FRAS1: variants seen among roughly 807,000 people sequenced by gnomAD.
FRAS1 encodes extracellular matrix organizing protein FRAS1.
Under a neutral mutation model 435.2 loss-of-function variants are expected in FRAS1, and 290 were observed. The observed-to-expected ratio is 0.67, with a 90% CI of 0.61 to 0.73. The LOEUF is 0.73. Among genes scored for constraint, FRAS1 ranks in the 30% least tolerant of loss-of-function variants. The pLI, the probability that FRAS1 is intolerant of heterozygous loss-of-function variation, is 0.00. For missense variants in FRAS1, 4,860 were observed against 5,001.5 expected (o/e 0.97, Z 0.85); for synonymous variants, 1,800 against 1,851.0 (o/e 0.97, Z 0.71).
rs1376352603 is a variant in FRAS1 at position 78,470,751 on chromosome 4, T to C, written c.7371+660T>C. On this transcript the variant is annotated intron_variant, in intron 51 of 73. Coordinates refer to ENST00000512123, the MANE Select transcript of FRAS1 (RefSeq NM_025074.7). ...TATAAAGGACTTGAGCATCCATGGATTTTGTAATCCTCAGAGAAGCCTAGA... is the reference window on the plus strand; with the variant it reads ...TATAAAGGACTTGAGCATCCATGGACTTTGTAATCCTCAGAGAAGCCTAGA... 2.0e-5 allele frequency among the ~76,000 whole-genome samples: 3 copies of C among 152,164 alleles called. No homozygotes were observed. In the South Asian group the frequency reaches 6.2e-4, roughly 32 times the overall value.
Position 78,464,565 on chromosome 4 carries a change from G to A in FRAS1, c.7011G>A (p.Ala2337=), listed in dbSNP as rs6851427. 0.36 allele frequency: 586,450 copies of A among 1,613,104 alleles called. 109,444 individuals carry two copies. The highest frequency in any genetic ancestry group is 0.45 in the Admixed American group (26,922 of 59,938). Residue 2337 remains alanine (A), a synonymous_variant, in exon 49 of 74, where the codon GCG becomes GCA. Transcript: ENST00000512123. ...CCATCACAGAGTTTGAGCTTAAGGCGGTGGATGCTGACACAGAGGTAAGAG... is the reference window on the plus strand; with the variant it reads ...CCATCACAGAGTTTGAGCTTAAGGCAGTGGATGCTGACACAGAGGTAAGAG... The part of the protein sequence containing the change: ...RKTITEFELK[A]VDADTEAESV...
At position 78,451,740 on chromosome 4, in the gene FRAS1, T is replaced by C. The variant is rs754872486; in HGVS notation, c.6464-32T>C. The C allele has an allele frequency of 3.9e-6, 6 of 1,551,920 alleles. No individual in the cohort carries two copies. In the East Asian group the frequency reaches 6.8e-5, roughly 18 times the overall value. On this transcript the variant is annotated intron_variant, in intron 45 of 73. Coordinates refer to ENST00000512123, the MANE Select transcript of FRAS1 (RefSeq NM_025074.7). ...CAGAAATAAGGGCAGAAAGCACTAATAGCAAATCTTGATTTTTTTTCCTTT... is the reference window on the plus strand; with the variant it reads ...CAGAAATAAGGGCAGAAAGCACTAACAGCAAATCTTGATTTTTTTTCCTTT...
intron 2 of FRAS1, among the ~76,000 whole-genome samples, chr4:78,195,025 G>C (rs1237996980): frequency 6.6e-6 from 1 of 152,170 alleles, no homozygotes; most frequent in African/African-American, 2.4e-5. Context: ...GTTGGAGTTT[G>C]CTGGAGGTCC....
At position 78,400,873 on chromosome 4, in the gene FRAS1, A is replaced by T; in HGVS notation, c.4115A>T (p.Asp1372Val). Residue 1372 changes from aspartate to valine, a missense_variant, in exon 30 of 74, where the codon GAC becomes GTC. Transcript: ENST00000512123. ...GAAATCATCTACAAGATTACACAAG[A>T]CTACCCCCAGTTTGGTAACTATTTT... is the stretch of plus-strand genomic sequence containing the variant. ...AEEIIYKITQDYPQFGEVVLL... is the reference protein window; with the variant it reads ...AEEIIYKITQVYPQFGEVVLL... 6.2e-7 allele frequency: 1 copy of T among 1,613,616 alleles called. No individual in the cohort carries two copies. The highest frequency in any genetic ancestry group is 8.5e-7 in the Non-Finnish European group (1 of 1,179,748).
intron 2 of FRAS1, among the ~76,000 whole-genome samples, chr4:78,214,047 G>T (rs1256983862): frequency 3.3e-5 from 5 of 152,218 alleles, no homozygotes; most frequent in Non-Finnish European, 2.9e-5. Flanking sequence ...CGGGAAAGTA[G>T]TTGGTTCTGG....
chr4:78,203,057 A>T (rs1723108922), intron 2 of FRAS1, among the ~76,000 whole-genome samples: 1 of 152,244 alleles, frequency 6.6e-6, no homozygotes, highest in Admixed American at 6.5e-5. Flanking sequence ...TACTTGGGGT[A>T]TTGAAAATAA....
intron 4 of FRAS1, among the ~76,000 whole-genome samples, chr4:78,245,553 T>C (rs1031170017): frequency 1.3e-5 from 2 of 152,218 alleles, no homozygotes; most frequent in Admixed American, 6.5e-5. Context: ...AGAATGTTGA[T>C]GTTGAAGAAG....
intron 2 of FRAS1, among the ~76,000 whole-genome samples, chr4:78,161,769 A>AAT (rs1560557181): frequency 1.4e-5 from 2 of 141,960 alleles, no homozygotes; most frequent in Non-Finnish European, 3.1e-5. Flanking sequence ...AAAAAAAAAA[A>AAT]AAAGAAAAGA....
chr4:78,507,008 C>G (rs1489935013), intron 61 of FRAS1, among the ~76,000 whole-genome samples: 1 of 152,154 alleles, frequency 6.6e-6, no homozygotes, highest in Non-Finnish European at 1.5e-5. Context: ...TCTCAGGAGA[C>G]AGCTTTGAAG....
chr4:78,482,352 G>C, intron 57 of FRAS1, 36 bp from the exon 58 acceptor site: 3 of 1,613,022 alleles, frequency 1.9e-6, no homozygotes, highest in South Asian at 2.2e-5. Context: ...TTAGATGGTG[G>C]GTCCTCTGTC....
intron 29 of FRAS1, among the ~76,000 whole-genome samples, chr4:78,397,232 A>C (rs1732707579): frequency 1.3e-5 from 2 of 152,194 alleles, no homozygotes; most frequent in Non-Finnish European, 2.9e-5. Context: ...AAAGATCTGA[A>C]GGCTTTCTGA....
chr4:78,151,743 G>A (rs1470760538), intron 2 of FRAS1, among the ~76,000 whole-genome samples: 1 of 152,136 alleles, frequency 6.6e-6, no homozygotes, highest in Admixed American at 6.6e-5. Context: ...AAAAGAAAAA[G>A]CATTCGGTTG....
chr4:78,451,814 G>A lies in FRAS1; in HGVS notation c.6506G>A (p.Ser2169Asn), dbSNP rs1282314709. ...CATGGAACAGGAGAACCTGGAGGGA[G>A]CTTTGCTTTTAAATTTGATGTGGTT... ...YSHGTGEPGG[S>N]FAFKFDVVDG... The change falls in exon 46 of 74, where the codon AGC becomes AAC. Residue 2169 changes from serine to asparagine, a missense_variant. Physicochemically the swap from Ser to Asn is conservative, Grantham distance 46. Coordinates refer to ENST00000512123, the MANE Select transcript of FRAS1 (RefSeq NM_025074.7). The A allele has an allele frequency of 3.1e-6, 5 of 1,612,642 alleles. No homozygotes were observed. Among genetic ancestry groups the A allele is most frequent in the Non-Finnish European group, 4.2e-6 (5 of 1,179,010 alleles).
At chr4:78,250,534 TA>T (rs1228587354) in intron 4 of FRAS1, among the ~76,000 whole-genome samples, 1 of 152,210 alleles carries the variant, frequency 6.6e-6, no homozygotes, top group African/African-American at 2.4e-5. Flanking sequence ...TCAGATAACA[TA>T]TAAAAAGTGA....
chr4:78,177,365 C>T (rs572158530), intron 2 of FRAS1, among the ~76,000 whole-genome samples: 1 of 152,230 alleles, frequency 6.6e-6, no homozygotes, highest in African/African-American at 2.4e-5. Context: ...TGAAATACCT[C>T]AATGTTTATG....
chr4:78,540,891 AAG>A lies in FRAS1; in HGVS notation c.11808_11809del (p.Lys3937AlafsTer31). On this transcript the variant is annotated frameshift_variant, in exon 74 of 74. Transcript: ENST00000512123. LOFTEE classifies it high-confidence loss of function. Reference protein sequence around the residue: ...INRKCQKQRKKKPAEDILEEY... With the variant: ...INRKCQKQRKXKPAEDILEEY... ...CAGGAAATGCCAGAAACAGAGGAAG[AAG>A]AAGCCCGCAGAGGACATTTTGGAAG... The A allele has an allele frequency of 6.2e-7, 1 of 1,613,998 alleles. No individual in the cohort carries two copies. The highest frequency in any genetic ancestry group is 8.5e-7 in the Non-Finnish European group (1 of 1,179,898).
intron 31 of FRAS1, among the ~76,000 whole-genome samples, chr4:78,411,126 T>TC (rs1288995578): frequency 1.3e-5 from 2 of 151,698 alleles, no homozygotes; most frequent in African/African-American, 4.8e-5. Context: ...TCTTTTTTTT[T>TC]CTGAGACAGA....
In FRAS1 at chr4:78,282,850, A is replaced by C; in HGVS notation, c.1138A>C (p.Lys380Gln). The part of the protein sequence containing the change: ...EGEKWEDGPC[K>Q]VCECRGAQVT... ...AGAGAAGTGGGAAGATGGCCCTTGCAAGGTGTGTGAGTGCCGAGGGGCTCA... is the reference window on the plus strand; with the variant it reads ...AGAGAAGTGGGAAGATGGCCCTTGCCAGGTGTGTGAGTGCCGAGGGGCTCA... Residue 380 changes from lysine (K) to glutamine (Q), a missense_variant, in exon 12 of 74, where the codon AAG becomes CAG. Lys to Gln is a moderately conservative substitution (Grantham distance 53, BLOSUM62 1). Transcript: ENST00000512123. 6.2e-7 allele frequency: 1 copy of C among 1,613,316 alleles called. No individual in the cohort carries two copies. Among genetic ancestry groups the C allele is most frequent in the Non-Finnish European group, 8.5e-7 (1 of 1,179,734 alleles).
At chr4:78,529,611 C>T (rs1012648484) in intron 70 of FRAS1, among the ~76,000 whole-genome samples, 1 of 152,172 alleles carries the variant, frequency 6.6e-6, no homozygotes, top group Non-Finnish European at 1.5e-5. Flanking sequence ...CCCCCCTTAT[C>T]CTTGGAGTAA....
Sources: gnomAD v4.1 joint callset for allele counts (sites outside exome capture counted in the v4.1 genomes callset) on GRCh38, gnomAD v4.1.1 for gene constraint, MANE v1.5 for transcripts, NCBI Gene and HGNC (gene_info 2026-07-23, HGNC 2026-07-21) for gene names.